Variants in RBFOX1 observed in about 807,000 individuals in gnomAD.
RBFOX1 encodes RNA binding fox-1 homolog 1.
Under a neutral mutation model 57.7 loss-of-function variants are expected in RBFOX1, and 8 were observed. The observed-to-expected ratio is 0.14, with a 90% confidence interval of 0.08 to 0.25. RBFOX1 has a LOEUF of 0.25. Among genes scored for constraint, RBFOX1 ranks in the 10% least tolerant of loss-of-function variants. The pLI is 1.00. For synonymous variants in RBFOX1, 326 were observed against 222.4 expected (o/e 1.47, Z -4.15); for missense variants, 611 against 548.5 (o/e 1.11, Z -1.14).
chr16:6,287,713 T>C (rs2077040699), intron 1 of RBFOX1, among the ~76,000 whole-genome samples: 1 of 152,186 alleles, frequency 6.6e-6, no homozygotes. Flanking sequence ...AGCATACATA[T>C]ATGTGATACA....
intron 1 of RBFOX1, among the ~76,000 whole-genome samples, chr16:5,312,584 G>A (rs1249272915): frequency 6.6e-6 from 1 of 152,136 alleles, no homozygotes; most frequent in African/African-American, 2.4e-5. Context: ...CAAAGTGCTG[G>A]GATTACAGGT....
At chr16:7,036,937 G>A (rs369103481) in intron 3 of RBFOX1, among the ~76,000 whole-genome samples, 2 of 152,112 alleles carry the variant, frequency 1.3e-5, no homozygotes, top group East Asian at 1.9e-4. Context: ...GCTAAACAAG[G>A]AGTAGATTAT....
intron 4 of RBFOX1, among the ~76,000 whole-genome samples, chr16:7,413,380 G>T (rs929029373): frequency 3.9e-5 from 6 of 151,916 alleles, no homozygotes; most frequent in African/African-American, 1.2e-4. Context: ...TGAATCACTT[G>T]TTAAAACCTA....
At chr16:7,197,677 C>T (rs1475522028) in intron 4 of RBFOX1, among the ~76,000 whole-genome samples, 2 of 152,184 alleles carry the variant, frequency 1.3e-5, no homozygotes, top group Admixed American at 1.3e-4. Flanking sequence ...AACAACTCAA[C>T]TGTCCATCAC....
intron 3 of RBFOX1, among the ~76,000 whole-genome samples, chr16:5,729,020 G>A (rs1193319866): frequency 6.6e-6 from 1 of 152,218 alleles, no homozygotes; most frequent in African/African-American, 2.4e-5. Context: ...TGAGAGCTCT[G>A]AAATCATCCC....
intron 3 of RBFOX1, among the ~76,000 whole-genome samples, chr16:5,847,681 T>TA (rs1426104423): frequency 6.6e-6 from 1 of 152,140 alleles, no homozygotes; most frequent in Non-Finnish European, 1.5e-5. Context: ...CTGACTGGCT[T>TA]AGCTTCTGAT....
chr16:5,555,709 G>A (rs2045643434), intron 2 of RBFOX1, among the ~76,000 whole-genome samples: 1 of 151,952 alleles, frequency 6.6e-6, no homozygotes, highest in South Asian at 2.1e-4. Flanking sequence ...CACTAAGTCT[G>A]GACAGGTTCA....
At position 7,089,109 on chromosome 16, in the gene RBFOX1, T is replaced by C. The variant is rs2060425744; in HGVS notation, c.27+37011T>C. On this transcript the variant is annotated intron_variant, in intron 4 of 15. Transcript: ENST00000550418. Reference sequence around the variant, plus strand: ...CCCCCTTTCTTTGGGACATTTTCCTTTGTAGCGACTTTAGCTCCATTTCCA... The same window carrying C: ...CCCCCTTTCTTTGGGACATTTTCCTCTGTAGCGACTTTAGCTCCATTTCCA... Among the ~76,000 whole-genome samples, 8 of 152,346 alleles carry C rather than the reference T, an allele frequency of 5.3e-5. No individual in the cohort carries two copies. The South Asian group carries it at 1.5e-3, about 28-fold the overall frequency.
chr16:6,257,585 C>G (rs1472360398), intron 1 of RBFOX1, among the ~76,000 whole-genome samples: 12 of 152,134 alleles, frequency 7.9e-5, no homozygotes, highest in Admixed American at 7.9e-4. Context: ...ATCCTCCACC[C>G]TGAAGTAGAC....
chr16:5,974,170 C>T (rs2060016219), intron 4 of RBFOX1, among the ~76,000 whole-genome samples: 1 of 152,184 alleles, frequency 6.6e-6, no homozygotes. Context: ...CTCGGATGCA[C>T]AGCAGGCAAT....
intron 4 of RBFOX1, among the ~76,000 whole-genome samples, chr16:7,239,371 T>G (rs187498244): frequency 1.1e-3 from 166 of 152,280 alleles, no homozygotes; most frequent in African/African-American, 3.8e-3. Context: ...TGGTGGTGCA[T>G]GCCTGTAATC....
At chr16:6,962,843 C>T (rs7204802) in intron 3 of RBFOX1, among the ~76,000 whole-genome samples, 92,630 of 149,194 alleles carry the variant, frequency 0.62, 28,507 homozygotes, top group Non-Finnish European at 0.64. Context: ...CCAGCCTGGG[C>T]GGCAGAATGA....
At chr16:7,172,028 C>T (rs1005657660) in intron 4 of RBFOX1, among the ~76,000 whole-genome samples, 47 of 151,858 alleles carry the variant, frequency 3.1e-4, no homozygotes, top group African/African-American at 1.1e-3. Flanking sequence ...ATTTTTGCTT[C>T]CAGTTTTGTC....
At chr16:7,311,883 C>T (rs1001710374) in intron 4 of RBFOX1, among the ~76,000 whole-genome samples, 251 of 152,210 alleles carry the variant, frequency 1.6e-3, no homozygotes, top group African/African-American at 5.5e-3. Flanking sequence ...TTAATCCCAA[C>T]TCTGTTATTC....
intron 3 of RBFOX1, among the ~76,000 whole-genome samples, chr16:6,728,139 G>C (rs202124931): frequency 1.3e-5 from 2 of 152,140 alleles, no homozygotes; most frequent in East Asian, 3.8e-4. Context: ...TTTGACTTTT[G>C]TTTTCATATC....
chr16:6,142,048 G>GAAA (rs34076868), intron 1 of RBFOX1, among the ~76,000 whole-genome samples: 1 of 147,970 alleles, frequency 6.8e-6, no homozygotes, highest in Non-Finnish European at 1.5e-5. Context: ...GAGCTCAAAA[G>GAAA]AAAAAAAAAA....
At chr16:7,395,293 A>G (rs1341319041) in intron 4 of RBFOX1, among the ~76,000 whole-genome samples, 1 of 152,188 alleles carries the variant, frequency 6.6e-6, no homozygotes, top group African/African-American at 2.4e-5. Flanking sequence ...CTGTCATCAG[A>G]TAGAAGGGAG....
rs138764692 is a variant in RBFOX1 at position 5,918,390 on chromosome 16, G to A, written c.351+51055G>A. ...TCGCCTTCGCCTCCCAAAGTGCTGG[G>A]ATTATAGGCGAGAGCAACCACGCCC... On this transcript the variant is annotated intron_variant, in intron 4 of 19. Coordinates refer to the RBFOX1 transcript ENST00000641259. Among the ~76,000 whole-genome samples the A allele has an allele frequency of 4.6e-3, 707 of 152,304 alleles. 4 individuals carry two copies. The highest frequency in any genetic ancestry group is 0.016 in the African/African-American group (674 of 41,558).
intron 2 of RBFOX1, among the ~76,000 whole-genome samples, chr16:5,584,545 G>A (rs1190587739): frequency 6.6e-6 from 1 of 152,202 alleles, no homozygotes; most frequent in Non-Finnish European, 1.5e-5. Flanking sequence ...CCAAGGGTAG[G>A]CTGGCTTTTT....
Sources: allele counts gnomAD v4.1 joint callset (sites outside exome capture counted in the v4.1 genomes callset), GRCh38; gene constraint gnomAD v4.1.1; transcripts MANE v1.5; gene names NCBI Gene and HGNC (gene_info 2026-07-23, HGNC 2026-07-21).